NELL1: variants seen among roughly 807,000 people sequenced by gnomAD.
NELL1 encodes the protein protein kinase C-binding protein NELL1.
A neutral mutation model predicts 107.4 loss-of-function variants in NELL1; 76 were observed. That is an observed-to-expected ratio of 0.71 (90% CI 0.59 to 0.86). The LOEUF (loss-of-function observed/expected upper bound fraction) is 0.86. NELL1 is among the 40% of genes least tolerant of loss of function. NELL1 has a pLI of 0.00. For missense variants in NELL1, 1,024 were observed against 1,005.5 expected (o/e 1.02, Z -0.25); for synonymous variants, 353 against 341.2 (o/e 1.03, Z -0.38).
intron 2 of NELL1, among the ~76,000 whole-genome samples, chr11:20,696,858 A>G (rs1455679165): frequency 6.6e-6 from 1 of 152,144 alleles, no homozygotes; most frequent in Non-Finnish European, 1.5e-5. Flanking sequence ...GGATTTACAG[A>G]CAGAAAAAAG....
At chr11:21,512,990 G>C (rs1345819229) in intron 15 of NELL1, among the ~76,000 whole-genome samples, 1 of 152,132 alleles carries the variant, frequency 6.6e-6, no homozygotes, top group Non-Finnish European at 1.5e-5. Flanking sequence ...AAAGAGTGGG[G>C]TTAATGGCAC....
intron 12 of NELL1, among the ~76,000 whole-genome samples, chr11:20,994,486 T>C (rs1852046059): frequency 6.6e-6 from 1 of 152,246 alleles, no homozygotes; most frequent in East Asian, 1.9e-4. Context: ...CTAAAAGCTA[T>C]ACTTTGACAT....
chr11:20,931,530 G>A (rs1284768126), intron 9 of NELL1, among the ~76,000 whole-genome samples: 2 of 152,078 alleles, frequency 1.3e-5, no homozygotes, highest in African/African-American at 4.8e-5. Context: ...AAAATATCAT[G>A]CTGTAGACCG....
intron 13 of NELL1, among the ~76,000 whole-genome samples, chr11:21,171,505 C>A (rs1369785470): frequency 6.6e-6 from 1 of 151,834 alleles, no homozygotes; most frequent in African/African-American, 2.4e-5. Context: ...GCGAGTGTTT[C>A]TATGTTATTA....
chr11:21,313,737 C>T (rs1305194226), intron 14 of NELL1, among the ~76,000 whole-genome samples: 1 of 152,062 alleles, frequency 6.6e-6, no homozygotes, highest in African/African-American at 2.4e-5. Context: ...GAGAAACAGC[C>T]AAACCTGGCC....
chr11:20,889,782 C>A (rs1486085034), intron 5 of NELL1, among the ~76,000 whole-genome samples: 1 of 152,148 alleles, frequency 6.6e-6, no homozygotes, highest in Non-Finnish European at 1.5e-5. Context: ...GAAAGGGGAG[C>A]CCCCTCCCTG....
chr11:21,121,568 G>T (rs916504415), intron 13 of NELL1, among the ~76,000 whole-genome samples: 1 of 152,132 alleles, frequency 6.6e-6, no homozygotes, highest in Non-Finnish European at 1.5e-5. Flanking sequence ...GTTATTGGGG[G>T]TCCTCTAGAG....
intron 15 of NELL1, among the ~76,000 whole-genome samples, chr11:21,421,146 A>G (rs1852658276): frequency 6.6e-6 from 1 of 152,186 alleles, no homozygotes; most frequent in African/African-American, 2.4e-5. Flanking sequence ...AATACAGAAG[A>G]AGATTTGAAG....
chr11:21,183,513 T>G (rs1000381378), intron 13 of NELL1, among the ~76,000 whole-genome samples: 2 of 151,838 alleles, frequency 1.3e-5, no homozygotes, highest in African/African-American at 4.9e-5. Context: ...TGCAGAAAAG[T>G]TTTACAAAGA....
At chr11:21,371,675 A>G (rs543302099) in intron 15 of NELL1, among the ~76,000 whole-genome samples, 2 of 152,138 alleles carry the variant, frequency 1.3e-5, no homozygotes, top group South Asian at 2.1e-4. Context: ...TTGTTCTTCC[A>G]TGTGTTTTGT....
chr11:20,762,595 C>T (rs1190860529), intron 2 of NELL1, among the ~76,000 whole-genome samples: 6 of 152,116 alleles, frequency 3.9e-5, no homozygotes, highest in Non-Finnish European at 1.5e-5. Flanking sequence ...TGTATTTATG[C>T]TGGTTGGAGT....
intron 3 of NELL1, among the ~76,000 whole-genome samples, chr11:20,828,066 A>G (rs1857923328): frequency 6.6e-6 from 1 of 151,244 alleles, no homozygotes; most frequent in Non-Finnish European, 1.5e-5. Context: ...CTTTAGTATT[A>G]TATAAACTTG....
At chr11:20,999,469 A>G (rs1470258751) in intron 12 of NELL1, among the ~76,000 whole-genome samples, 1 of 152,174 alleles carries the variant, frequency 6.6e-6, no homozygotes, top group Non-Finnish European at 1.5e-5. Flanking sequence ...GCTTCCACTC[A>G]TTGGGCAGAA....
chr11:20,927,419 C>G lies in NELL1; in HGVS notation c.871C>G (p.His291Asp), dbSNP rs375699632. The G allele has an allele frequency of 1.2e-6, 2 of 1,611,148 alleles. No individual in the cohort carries two copies. The highest frequency in any genetic ancestry group is 2.2e-5 in the South Asian group (2 of 89,988). ...TCAAGACTCTTGGGTAGATGGTGAC[C>G]ATTGCAGGAACTGCACTTGCAAAGT... ...RDQDSWVDGD[H>D]CRNCTCKSGA... The change falls in exon 8 of 20, where the codon CAT becomes GAT. Residue 291 changes from histidine (H) to aspartate (D), a missense_variant. Transcript: ENST00000357134.
At chr11:21,038,876 G>T (rs1479763524) in intron 12 of NELL1, among the ~76,000 whole-genome samples, 1 of 152,034 alleles carries the variant, frequency 6.6e-6, no homozygotes, top group Non-Finnish European at 1.5e-5. Context: ...TGATTTTTTT[G>T]TTCATTTGTC....
chr11:21,133,125 A>G (rs192393088), intron 13 of NELL1, among the ~76,000 whole-genome samples: 196 of 152,220 alleles, frequency 1.3e-3, no homozygotes, highest in African/African-American at 4.5e-3. Context: ...GTCCAGCTTA[A>G]GAGAAGACCT....
intron 2 of NELL1, among the ~76,000 whole-genome samples, chr11:20,704,900 C>T (rs545332806): frequency 6.6e-6 from 1 of 152,146 alleles, no homozygotes; most frequent in African/African-American, 2.4e-5. Flanking sequence ...CATGAGTGAA[C>T]TCCCATTCAC....
At chr11:20,934,705 A>T (rs1376986349) in intron 9 of NELL1, among the ~76,000 whole-genome samples, 1 of 152,252 alleles carries the variant, frequency 6.6e-6, no homozygotes, top group African/African-American at 2.4e-5. Flanking sequence ...GTCACTTTGG[A>T]ACAAGCTGCC....
intron 14 of NELL1, among the ~76,000 whole-genome samples, chr11:21,233,783 G>A (rs1036856668): frequency 6.6e-6 from 1 of 152,210 alleles, no homozygotes; most frequent in East Asian, 1.9e-4. Flanking sequence ...TCACTAGGCA[G>A]TTGTCAATAT....
Sources: allele counts gnomAD v4.1 joint callset (sites outside exome capture counted in the v4.1 genomes callset), GRCh38; gene constraint gnomAD v4.1.1; transcripts MANE v1.5; gene names NCBI Gene and HGNC (gene_info 2026-07-23, HGNC 2026-07-21).